The following TENT2 variants were observed in gnomAD, a reference collection of about 807,000 sequenced individuals.
TENT2 encodes poly(A) RNA polymerase GLD2.
TENT2 carries 44 observed loss-of-function variants against 72.2 expected under a neutral mutation model. The observed-to-expected ratio is 0.61, with a 90% CI of 0.48 to 0.78. The LOEUF is 0.78. Ranked by LOEUF, TENT2 falls within the 30% of genes least tolerant of loss-of-function variation. The pLI is 0.00. For synonymous variants in TENT2, 212 were observed against 192.5 expected, an observed-to-expected ratio of 1.10 and a Z score of -0.84; for missense variants, 541 against 569.6, an observed-to-expected ratio of 0.95 and a Z score of 0.51.
chr5:79,667,192 A>G (rs1461067205), intron 11 of TENT2, among the ~76,000 whole-genome samples: 2 of 152,226 alleles, frequency 1.3e-5, no homozygotes, highest in Non-Finnish European at 1.5e-5. Context: ...TAGACTTCAG[A>G]TAAGAAAGTG....
chr5:79,656,614 C>T (rs1040221970), intron 10 of TENT2, among the ~76,000 whole-genome samples: 1 of 151,834 alleles, frequency 6.6e-6, no homozygotes, highest in Non-Finnish European at 1.5e-5. Flanking sequence ...AATGTCTATT[C>T]AGTATCTGTA....
In TENT2 at chr5:79,620,077, G is replaced by A; in HGVS notation, c.221G>A (p.Gly74Glu). Residue 74 changes from glycine (G) to glutamate (E), a missense_variant, in exon 3 of 15, where the codon GGA (glycine) becomes GAA (glutamate). By Grantham distance (98) the Gly-to-Glu change is moderately conservative. Coordinates refer to ENST00000453514, the MANE Select transcript of TENT2 (RefSeq NM_001114394.3). ...ACCTCAGCTTCCCCATTATTTCGAG[G>A]AAGGAAGTAAGTACTTCTTAATTAT... ...IQTSASPLFR[G>E]RKRLSDEKNL... is the part of the protein sequence containing the mutation. 1 of 1,597,304 alleles carries A rather than the reference G, an allele frequency of 6.3e-7. No individual in the cohort carries two copies. The highest frequency in any genetic ancestry group is 1.1e-5 in the South Asian group (1 of 90,060).
At chr5:79,666,006 C>T (rs1248710507) in intron 11 of TENT2, among the ~76,000 whole-genome samples, 1 of 147,474 alleles carries the variant, frequency 6.8e-6, no homozygotes, top group African/African-American at 2.5e-5. Context: ...TTTAATGAGA[C>T]GGAGTTTTGC....
chr5:79,624,053 C>T (rs886071675), intron 4 of TENT2, among the ~76,000 whole-genome samples: 6 of 152,040 alleles, frequency 3.9e-5, no homozygotes, highest in South Asian at 2.1e-4. Context: ...TATTTAATAT[C>T]TAATAATAGA....
At chr5:79,660,230 A>G (rs1403565689) in intron 11 of TENT2, among the ~76,000 whole-genome samples, 1 of 152,162 alleles carries the variant, frequency 6.6e-6, no homozygotes, top group Non-Finnish European at 1.5e-5. Flanking sequence ...ATTATAGTAT[A>G]GAATTACTGC....
chr5:79,628,036 G>A (rs1347657393), intron 4 of TENT2, among the ~76,000 whole-genome samples: 3 of 152,140 alleles, frequency 2.0e-5, no homozygotes, highest in Non-Finnish European at 4.4e-5. Context: ...CTAGTAAGTG[G>A]TAAAACCAAG....
chr5:79,685,564 G>A lies in TENT2; in HGVS notation c.*291G>A, dbSNP rs1408901152. The A allele has an allele frequency of 4.4e-6, 1 of 225,312 alleles. No homozygotes were observed. Among genetic ancestry groups the A allele is most frequent in the African/African-American group, 2.3e-5 (1 of 42,874 alleles). The allele number at this position is 225,312 out of a possible 1,614,324, so 14.0% of individuals were successfully genotyped here. On this transcript the variant is annotated 3_prime_UTR_variant, in exon 15 of 15. Transcript: ENST00000453514. ...GGGAAATTAACTGAACAAATAAAAA[G>A]TTTTTGATATAACTTCAATTAATTG...
intron 6 of TENT2, among the ~76,000 whole-genome samples, chr5:79,642,122 C>G (rs1368636142): frequency 6.6e-6 from 1 of 151,834 alleles, no homozygotes; most frequent in African/African-American, 2.4e-5. Flanking sequence ...TTTTAATATG[C>G]CTTATTATGT....
chr5:79,676,713 A>T (rs1817619474), intron 12 of TENT2, among the ~76,000 whole-genome samples: 1 of 152,228 alleles, frequency 6.6e-6, no homozygotes, highest in Admixed American at 6.5e-5. Flanking sequence ...TATTTAAAAG[A>T]TGATCATGTA....
chr5:79,673,933 A>G (rs1329793301), intron 12 of TENT2, among the ~76,000 whole-genome samples: 2 of 152,218 alleles, frequency 1.3e-5, no homozygotes, highest in African/African-American at 2.4e-5. Flanking sequence ...TCTAATGTTA[A>G]GAAGTTTACA....
chr5:79,682,442 G>A (rs1029324009), intron 14 of TENT2, among the ~76,000 whole-genome samples: 3 of 149,908 alleles, frequency 2.0e-5, no homozygotes, highest in Non-Finnish European at 4.4e-5. Flanking sequence ...ACCACACCCA[G>A]CTAATTTTTT....
At chr5:79,624,140 G>A (rs1165069184) in intron 4 of TENT2, among the ~76,000 whole-genome samples, 1 of 152,152 alleles carries the variant, frequency 6.6e-6, no homozygotes, top group African/African-American at 2.4e-5. Flanking sequence ...GGTTTATAAT[G>A]TAAATATCTG....
intron 7 of TENT2, among the ~76,000 whole-genome samples, chr5:79,643,670 G>A (rs983489054): frequency 3.9e-5 from 6 of 152,250 alleles, no homozygotes; most frequent in South Asian, 2.1e-4. Flanking sequence ...ATTTATTTCA[G>A]TGGACCTTCT....
At chr5:79,651,395 C>CA (rs375195555) in intron 10 of TENT2, among the ~76,000 whole-genome samples, 2,300 of 143,158 alleles carry the variant, frequency 0.016, 38 homozygotes, top group African/African-American at 0.043. Context: ...AAGTAATATC[C>CA]AAAAAAAAAA....
At chr5:79,648,537 G>T in intron 8 of TENT2, 80 bp from the exon 9 acceptor site, 1 of 934,218 alleles carries the variant, frequency 1.1e-6, no homozygotes, top group Non-Finnish European at 1.6e-6. Context: ...GGATGGATGA[G>T]CATTAATTTA....
intron 4 of TENT2, among the ~76,000 whole-genome samples, chr5:79,628,234 A>G (rs1189891593): frequency 6.6e-6 from 1 of 152,224 alleles, no homozygotes; most frequent in Admixed American, 6.5e-5. Context: ...TTACTTCTGT[A>G]GAGTATAAAG....
In TENT2 at chr5:79,675,884, A is replaced by T. The variant is rs192489626; in HGVS notation, c.1209-3695A>T. On this transcript the variant is annotated intron_variant, in intron 12 of 14. Transcript: ENST00000453514. ...AAAGGATTTGGGAAAGAAACATCAG[A>T]TTATTGGAGCCTAAGGTGTGTACTC... 7.9e-5 allele frequency among the ~76,000 whole-genome samples: 12 copies of T among 152,226 alleles called. No homozygotes were observed. The East Asian group carries it at 2.3e-3, about 29-fold the overall frequency.
chr5:79,624,465 G>A (rs1767717137), intron 4 of TENT2, among the ~76,000 whole-genome samples: 1 of 152,024 alleles, frequency 6.6e-6, no homozygotes, highest in African/African-American at 2.4e-5. Context: ...CCCTTTTAAA[G>A]TGTAGAGTTC....
intron 4 of TENT2, among the ~76,000 whole-genome samples, chr5:79,629,289 A>T (rs894060281): frequency 5.9e-5 from 9 of 152,246 alleles, no homozygotes; most frequent in African/African-American, 1.9e-4. Context: ...GGTATTGTAG[A>T]AAAATGTAAC....
Sources: allele counts gnomAD v4.1 joint callset (sites outside exome capture counted in the v4.1 genomes callset), GRCh38; gene constraint gnomAD v4.1.1; transcripts MANE v1.5; gene names NCBI Gene and HGNC (gene_info 2026-07-23, HGNC 2026-07-21).